The following PRRC2B variants were observed in gnomAD, a reference collection of about 807,000 sequenced individuals.
The protein encoded by PRRC2B is proline rich coiled-coil 2B.
PRRC2B carries 68 observed loss-of-function variants against 242.3 expected under a neutral mutation model. That is an observed-to-expected ratio of 0.28 (90% CI 0.23 to 0.34). PRRC2B has a LOEUF of 0.34. Ranked by LOEUF, PRRC2B falls within the 10% of genes least tolerant of loss-of-function variation. PRRC2B has a pLI of 1.00. For missense variants in PRRC2B, 2,835 were observed against 2,954.8 expected, an observed-to-expected ratio of 0.96 and a Z score of 0.94; for synonymous variants, 1,228 against 1,173.6, an observed-to-expected ratio of 1.05 and a Z score of -0.95.
chr9:131,381,877 C>CT (rs1176403438), intron 1 of PRRC2B, among the ~76,000 whole-genome samples: 6 of 150,506 alleles, frequency 4.0e-5, no homozygotes, highest in African/African-American at 1.5e-4. Flanking sequence ...GTCACTGGGA[C>CT]TACGGGCACG....
chr9:131,489,465 G>A (rs1398654573), intron 28 of PRRC2B, among the ~76,000 whole-genome samples: 2 of 152,086 alleles, frequency 1.3e-5, no homozygotes, highest in Non-Finnish European at 2.9e-5. Context: ...ACAGGTGTTA[G>A]CCACCACACC....
chr9:131,462,716 T>C (rs1179445307), intron 11 of PRRC2B, among the ~76,000 whole-genome samples: 6 of 150,412 alleles, frequency 4.0e-5, no homozygotes, highest in African/African-American at 1.5e-4. Context: ...CGCACGCCGG[T>C]ATTCCCAGCT....
Position 131,497,124 on chromosome 9 carries a change from G to C in PRRC2B, c.*1250G>C, listed in dbSNP as rs1174721721. 6.6e-6 allele frequency: 1 copy of C among 152,388 alleles called. No individual in the cohort carries two copies. Among genetic ancestry groups the C allele is most frequent in the Non-Finnish European group, 1.5e-5 (1 of 68,196 alleles). The allele number at this position is 152,388 out of a possible 1,614,324, so 9.4% of individuals were successfully genotyped here. A position where few individuals can be genotyped will look rare whatever the true frequency, so the allele number is the denominator to read the frequency against. On this transcript the variant is annotated 3_prime_UTR_variant, in exon 32 of 32. Coordinates refer to ENST00000683519, the MANE Select transcript of PRRC2B (RefSeq NM_013318.4). ...CTTTTCCTCCTTTGCTTCACTCCCA[G>C]CAGCAGACCCAGGTTGTCAGGACAG...
intron 13 of PRRC2B, among the ~76,000 whole-genome samples, chr9:131,470,222 C>T (rs184935857): frequency 8.5e-5 from 13 of 152,236 alleles, no homozygotes; most frequent in East Asian, 1.9e-4. Context: ...ACTGTAACAC[C>T]GTAGGTCACG....
chr9:131,417,300 C>G (rs1485057043), intron 1 of PRRC2B, among the ~76,000 whole-genome samples: 2 of 152,128 alleles, frequency 1.3e-5, no homozygotes, highest in Non-Finnish European at 2.9e-5. Context: ...CTCAGGTTCT[C>G]TCTTCACTTT....
chr9:131,483,613 G>A (rs2275500), intron 23 of PRRC2B, among the ~76,000 whole-genome samples, 168 bp downstream of exon 23: 109,347 of 152,098 alleles, frequency 0.72, 40,564 homozygotes, highest in East Asian at 0.93. Flanking sequence ...CAGGTTTTGT[G>A]ACCTTCCAGT....
intron 1 of PRRC2B, among the ~76,000 whole-genome samples, chr9:131,429,844 A>C (rs1838075624): frequency 6.6e-6 from 1 of 152,068 alleles, no homozygotes; most frequent in Admixed American, 6.6e-5. Flanking sequence ...AATTAACAGC[A>C]GGTGGGGGTT....
intron 8 of PRRC2B, 50 bp downstream of exon 8, chr9:131,447,256 A>G (rs754036619): frequency 1.2e-6 from 2 of 1,604,742 alleles, no homozygotes; most frequent in South Asian, 1.1e-5. Context: ...TGCGGTGGTG[A>G]TTCTGGTCAA....
At chr9:131,449,469 A>C (rs780037699) in intron 9 of PRRC2B, among the ~76,000 whole-genome samples, 2 of 151,942 alleles carry the variant, frequency 1.3e-5, no homozygotes, top group Non-Finnish European at 2.9e-5. Context: ...TTTTAATTTT[A>C]GTCATTCTAG....
At chr9:131,408,034 T>TA (rs1441652065) in intron 1 of PRRC2B, among the ~76,000 whole-genome samples, 1 of 152,178 alleles carries the variant, frequency 6.6e-6, no homozygotes, top group Non-Finnish European at 1.5e-5. Flanking sequence ...CTTCTGGTGA[T>TA]AGTCATTGTT....
intron 1 of PRRC2B, among the ~76,000 whole-genome samples, chr9:131,378,946 T>G (rs527558890): frequency 1.3e-5 from 2 of 152,212 alleles, no homozygotes; most frequent in Non-Finnish European, 2.9e-5. Flanking sequence ...CTTGAACTCC[T>G]GACCTCAAGT....
At chr9:131,433,976 A>G (rs992760655) in intron 3 of PRRC2B, among the ~76,000 whole-genome samples, 23 of 152,326 alleles carry the variant, frequency 1.5e-4, no homozygotes, top group Middle Eastern at 3.4e-3. Context: ...ATGACTTTTG[A>G]AATCTACCAG....
At chr9:131,423,999 AAT>A in intron 1 of PRRC2B, among the ~76,000 whole-genome samples, 1 of 151,706 alleles carries the variant, frequency 6.6e-6, no homozygotes, top group East Asian at 1.9e-4. Flanking sequence ...GCAGTGGCCC[AAT>A]CTCCGTTCAC....
chr9:131,495,649 C>T, intron 31 of PRRC2B, 91 bp from the exon 32 acceptor site: 4 of 1,445,128 alleles, frequency 2.8e-6, no homozygotes, highest in Non-Finnish European at 3.8e-6. Flanking sequence ...TTCCCTGCAA[C>T]TCAGGAGCAG....
At chr9:131,461,171 C>G (rs967598691) in intron 11 of PRRC2B, among the ~76,000 whole-genome samples, 14 of 152,190 alleles carry the variant, frequency 9.2e-5, no homozygotes, top group African/African-American at 3.4e-4. Context: ...CCATGTATGA[C>G]CAATCTCATT....
At chr9:131,463,802 G>T (rs1430087870) in intron 11 of PRRC2B, among the ~76,000 whole-genome samples, 1 of 151,622 alleles carries the variant, frequency 6.6e-6, no homozygotes, top group Non-Finnish European at 1.5e-5. Context: ...TATTTTTTTG[G>T]GGGGCTGGGG....
intron 30 of PRRC2B, among the ~76,000 whole-genome samples, chr9:131,493,737 G>A (rs546665906): frequency 1.3e-5 from 2 of 152,234 alleles, no homozygotes; most frequent in African/African-American, 4.8e-5. Flanking sequence ...AGGGTTCCCT[G>A]GTCAGGTCCT....
In PRRC2B at chr9:131,498,753, T is replaced by TA. The variant is rs1394533400; in HGVS notation, c.*2882dup. 2 of 152,162 alleles carry TA rather than the reference T, an allele frequency of 1.3e-5. No homozygotes were observed. The highest frequency in any genetic ancestry group is 4.8e-5 in the African/African-American group (2 of 41,440). The allele number at this position is 152,162 out of a possible 1,614,324, so 9.4% of individuals were successfully genotyped here. A position where few individuals can be genotyped will look rare whatever the true frequency, so the allele number is the denominator to read the frequency against. ...TCAGAACCCACTCACTTTTGCCTGT[T>TA]AAAGTTGCCCTCCTGACGCTGGCAG... On this transcript the variant is annotated 3_prime_UTR_variant, in exon 32 of 32. Coordinates refer to ENST00000683519, the MANE Select transcript of PRRC2B (RefSeq NM_013318.4).
chr9:131,467,667 A>G lies in PRRC2B; in HGVS notation c.1825A>G (p.Arg609Gly), dbSNP rs1238173120. ...GAGCAACAGCAGTGAGGAAGAGGCC[A>G]GAGAGGCTGGGTCCCCTGCACAGGA... ...AQSNSSEEEA[R>G]EAGSPAQEFK... The change falls in exon 13 of 32, where the codon AGA (arginine) becomes GGA (glycine). Residue 609 changes from arginine (R) to glycine (G), a missense_variant. Arg to Gly is a moderately radical substitution (Grantham distance 125). Coordinates refer to ENST00000683519, the MANE Select transcript of PRRC2B (RefSeq NM_013318.4). 2 of 1,613,912 alleles carry G rather than the reference A, an allele frequency of 1.2e-6. No homozygotes were observed. The highest frequency in any genetic ancestry group is 1.7e-6 in the Non-Finnish European group (2 of 1,179,902).
Sources: allele counts gnomAD v4.1 joint callset (sites outside exome capture counted in the v4.1 genomes callset), GRCh38; gene constraint gnomAD v4.1.1; transcripts MANE v1.5; gene names NCBI Gene and HGNC (gene_info 2026-07-23, HGNC 2026-07-21).